PARP8: variants seen among roughly 807,000 people sequenced by gnomAD.
PARP8 encodes protein mono-ADP-ribosyltransferase PARP8.
A neutral mutation model predicts 124.1 loss-of-function variants in PARP8; 51 were observed. The observed-to-expected ratio is 0.41, with a 90% CI of 0.33 to 0.52. PARP8 has a LOEUF of 0.52. Ranked by LOEUF, PARP8 falls within the 20% of genes least tolerant of loss-of-function variation. The pLI is 0.21. For missense variants in PARP8, 860 were observed against 1,018.9 expected, an observed-to-expected ratio of 0.84 and a Z score of 2.12; for synonymous variants, 391 against 361.5, an observed-to-expected ratio of 1.08 and a Z score of -0.93.
chr5:50,704,760 T>C (rs149740527), intron 2 of PARP8, among the ~76,000 whole-genome samples: 26 of 152,304 alleles, frequency 1.7e-4, no homozygotes, highest in Non-Finnish European at 1.6e-4. Context: ...CATCTACTCT[T>C]TACCTTTTTA....
intron 8 of PARP8, 78 bp downstream of exon 8, chr5:50,778,207 C>T (rs1580310441): frequency 8.8e-7 from 1 of 1,130,448 alleles, no homozygotes; most frequent in East Asian, 2.6e-5. Flanking sequence ...ATTTAATTTT[C>T]AGTTTTGTCT....
At position 50,843,654 on chromosome 5, in the gene PARP8, G is replaced by A. The variant is rs536042995; in HGVS notation, c.*1586G>A. ...TTTGACTTGTGGCTCTGAACCCTGG[G>A]CTAGGCTGAGGGATAATAGTAGTGG... On this transcript the variant is annotated 3_prime_UTR_variant, in exon 26 of 26. Transcript: ENST00000281631. The A allele has an allele frequency of 6.6e-6, 1 of 151,776 alleles. No homozygotes were observed. The highest frequency in any genetic ancestry group is 1.9e-4 in the East Asian group (1 of 5,142). 9.4% of individuals were successfully genotyped at this position (151,776 alleles called of 1,614,324 possible). A position where few individuals can be genotyped will look rare whatever the true frequency, so the allele number is the denominator to read the frequency against.
chr5:50,715,602 A>G (rs2149494339), intron 2 of PARP8, among the ~76,000 whole-genome samples: 1 of 152,092 alleles, frequency 6.6e-6, no homozygotes, highest in East Asian at 1.9e-4. Context: ...AAATTTTAAA[A>G]TTTGTGTTTT....
At chr5:50,794,120 T>G (rs1255870649) in intron 10 of PARP8, 87 bp from the exon 11 acceptor site, 2 of 1,400,798 alleles carry the variant, frequency 1.4e-6, no homozygotes, top group African/African-American at 1.5e-5. Context: ...ATTTATTTGA[T>G]AAATGCATTT....
chr5:50,775,165 GC>G (rs1399046616), intron 7 of PARP8, among the ~76,000 whole-genome samples: 3 of 152,208 alleles, frequency 2.0e-5, no homozygotes, highest in African/African-American at 7.2e-5. Flanking sequence ...TGGCAGCCGG[GC>G]AGAGGCTGTA....
At chr5:50,726,546 A>G (rs1419411632) in intron 2 of PARP8, among the ~76,000 whole-genome samples, 1 of 152,192 alleles carries the variant, frequency 6.6e-6, no homozygotes, top group Non-Finnish European at 1.5e-5. Flanking sequence ...TGTGTCAATT[A>G]AAAATCCACT....
rs1301020939 is a variant in PARP8, at chr5:50,822,024, T to A, written c.1795-311T>A. Among the ~76,000 whole-genome samples the A allele has an allele frequency of 2.0e-5, 3 of 152,358 alleles. No individual in the cohort carries two copies. The East Asian group carries it at 5.8e-4, about 29-fold the overall frequency. ...TTTTAGGATTCTATGTTGACTTTATTCATTATGGCTTAGTGTTTTAGTGGT... is the reference window on the plus strand; with the variant it reads ...TTTTAGGATTCTATGTTGACTTTATACATTATGGCTTAGTGTTTTAGTGGT... On this transcript the variant is annotated intron_variant, in intron 16 of 25. Transcript: ENST00000281631.
At chr5:50,785,783 C>A (rs1384645232) in intron 9 of PARP8, among the ~76,000 whole-genome samples, 1 of 152,106 alleles carries the variant, frequency 6.6e-6, no homozygotes, top group Non-Finnish European at 1.5e-5. Context: ...CAGGGGATAC[C>A]ATTTGGCTTA....
In PARP8 at chr5:50,832,801, G is replaced by A. The variant is rs1291816198; in HGVS notation, c.2254G>A (p.Val752Met). The change falls in exon 23 of 26, where the codon GTG becomes ATG. Residue 752 changes from valine to methionine, a missense_variant. Val to Met is a conservative substitution (Grantham distance 21). Around this residue, in one of 2 missense-constraint regions of PARP8, gnomAD observed 343 missense variants for 474.7 expected, o/e 0.72. Transcript: ENST00000281631. ...GYSGMNKKQK[V>M]SAKDEPASSS... ...TTCAGGGATGAACAAGAAACAGAAGGTGTCAGCCAAGGACGAGCCAGCTTC... is the reference window on the plus strand; with the variant it reads ...TTCAGGGATGAACAAGAAACAGAAGATGTCAGCCAAGGACGAGCCAGCTTC... 13 of 1,613,364 alleles carry A rather than the reference G, an allele frequency of 8.1e-6. No individual in the cohort carries two copies. The highest frequency in any genetic ancestry group is 1.0e-5 in the Non-Finnish European group (12 of 1,179,604).
intron 2 of PARP8, among the ~76,000 whole-genome samples, chr5:50,716,356 TG>T (rs1170467151): frequency 2.6e-5 from 4 of 152,094 alleles, no homozygotes; most frequent in Admixed American, 2.6e-4. Context: ...ATTCATGGAT[TG>T]GGCGGCTTCT....
chr5:50,667,555 T>G (rs1288412030), intron 1 of PARP8: 1 of 697,420 alleles, frequency 1.4e-6, no homozygotes, highest in Non-Finnish European at 2.6e-6. Context: ...CGCAATGGGC[T>G]GAGCGGCGGC....
Position 50,795,139 on chromosome 5 carries a change from C to G in PARP8, c.1150C>G (p.Leu384Val), listed in dbSNP as rs1274827098. The G allele has an allele frequency of 5.6e-6, 9 of 1,614,212 alleles. No individual in the cohort carries two copies. Among genetic ancestry groups the G allele is most frequent in the Non-Finnish European group, 7.6e-6 (9 of 1,180,036 alleles). The change falls in exon 12 of 26, where the codon CTA becomes GTA. Residue 384 changes from leucine (L) to valine (V), a missense_variant. This residue lies in a region of PARP8 where 517 missense variants were observed against 544.2 expected (regional missense o/e 0.95). Transcript: ENST00000281631. The stretch of plus-strand genomic sequence containing the variant: ...ATGCCTAACTCTAAAGTCGCATAGA[C>G]TATTGACTCGATCTTGTTCTGGAGA... ...EECLTLKSHR[L>V]LTRSCSGDPR...
At position 50,680,720 on chromosome 5, in the gene PARP8, T is replaced by G. The variant is rs1284755159; in HGVS notation, c.146+12595T>G. The stretch of plus-strand genomic sequence containing the variant: ...GTTGGTAACTTAGCCTTCTCCTTTT[T>G]AAGGGTTAGTTTGTAAGTGATGCTG... On this transcript the variant is annotated intron_variant, in intron 2 of 25. Transcript: ENST00000281631. Among the ~76,000 whole-genome samples, 3 of 152,158 alleles carry G rather than the reference T, an allele frequency of 2.0e-5. No homozygotes were observed. The East Asian group carries it at 5.8e-4, about 29-fold the overall frequency.
At chr5:50,815,382 T>A (rs1744987130) in intron 14 of PARP8, 50 bp from the exon 15 acceptor site, 1 of 1,277,790 alleles carries the variant, frequency 7.8e-7, no homozygotes, top group Non-Finnish European at 1.1e-6. Context: ...TTAATTTTGA[T>A]ATTGAGAGTT....
intron 22 of PARP8, among the ~76,000 whole-genome samples, chr5:50,830,262 G>T (rs1746800178): frequency 1.3e-5 from 2 of 152,254 alleles, no homozygotes; most frequent in South Asian, 2.1e-4. Flanking sequence ...GTAGGGCACT[G>T]AGAAGTACAC....
Position 50,778,547 on chromosome 5 carries a change from T to C in PARP8, c.580-13T>C, listed in dbSNP as rs1580311791. 1 of 1,574,178 alleles carries C rather than the reference T, an allele frequency of 6.4e-7. No individual in the cohort carries two copies. ...AAAGATGATTAATTCATCTTTTAAA[T>C]ATATTTGTGCAGGAGGAGATTGCTG... is the stretch of plus-strand genomic sequence containing the variant. On this transcript the variant is annotated splice_polypyrimidine_tract_variant and intron_variant, in intron 8 of 25. Transcript: ENST00000281631.
At chr5:50,702,572 G>T (rs778444306) in intron 2 of PARP8, among the ~76,000 whole-genome samples, 1 of 152,072 alleles carries the variant, frequency 6.6e-6, no homozygotes, top group Non-Finnish European at 1.5e-5. Context: ...AGAAGATGAG[G>T]CTCTTGCTTT....
Position 50,761,867 on chromosome 5 carries a change from A to G in PARP8, c.392A>G (p.Asn131Ser), listed in dbSNP as rs1184775663. The change falls in exon 6 of 26, where the codon AAT (asparagine) becomes AGT (serine). Residue 131 changes from asparagine (N) to serine (S), a missense_variant. Coordinates refer to ENST00000281631, the MANE Select transcript of PARP8 (RefSeq NM_024615.4). ...GTGGAGGAAGATTCTGAAGGTGACA[A>G]TGATTCCGAAGAATTTTATTACGGA... is the stretch of plus-strand genomic sequence containing the variant. ...STVEEDSEGD[N>S]DSEEFYYGGQ... 7 of 1,604,602 alleles carry G rather than the reference A, an allele frequency of 4.4e-6. No homozygotes were observed. Among genetic ancestry groups the G allele is most frequent in the Non-Finnish European group, 5.1e-6 (6 of 1,173,514 alleles).
intron 7 of PARP8, among the ~76,000 whole-genome samples, chr5:50,774,601 C>T (rs570526169): frequency 0.015 from 1,889 of 130,172 alleles, 64 homozygotes; most frequent in African/African-American, 0.055. Context: ...CCAGACAGGG[C>T]GGCCGGGCAG....
Sources: gnomAD v4.1 joint callset for allele counts (sites outside exome capture counted in the v4.1 genomes callset) on GRCh38, gnomAD v4.1.1 for gene constraint, gnomAD v4.1.1 regional missense constraint, MANE v1.5 for transcripts, NCBI Gene and HGNC (gene_info 2026-07-23, HGNC 2026-07-21) for gene names.